Variants in CD300C observed in about 807,000 individuals in gnomAD.
CD300C encodes CMRF35-like molecule 6.
Under a neutral mutation model 18.4 loss-of-function variants are expected in CD300C, and 11 were observed. The ratio of observed to expected loss-of-function variants is 0.60; its 90% confidence interval spans 0.38 to 0.99. The LOEUF is 0.99. Ranked by LOEUF, CD300C falls within the 50% of genes least tolerant of loss-of-function variation. The probability of loss-of-function intolerance (pLI) is 0.01; values close to 1 mark genes in which losing one functional copy is unlikely to be tolerated. For synonymous variants in CD300C, 116 were observed against 116.3 expected, an observed-to-expected ratio of 1.00 and a Z score of 0.02; for missense variants, 277 against 287.4, an observed-to-expected ratio of 0.96 and a Z score of 0.26.
intron 2 of CD300C, 149 bp from the exon 3 acceptor site, chr17:74,543,136 G>C: frequency 9.3e-7 from 1 of 1,072,928 alleles, no homozygotes; most frequent in Non-Finnish European, 1.4e-6. Context: ...CCACACCCAG[G>C]CCTGACCAGG....
At chr17:74,536,350 G>A (rs914266560), downstream of CD300C, among the ~76,000 whole-genome samples, 6 of 151,942 alleles carry the variant, frequency 3.9e-5, no homozygotes, top group Middle Eastern at 3.2e-3. Context: ...TGGCTAACAT[G>A]GTGAAACCCC....
chr17:74,539,886 G>A (rs1387873883), downstream of CD300C, among the ~76,000 whole-genome samples: 1 of 152,238 alleles, frequency 6.6e-6, no homozygotes, highest in Non-Finnish European at 1.5e-5. Flanking sequence ...GAGAACCAGG[G>A]CAGTATCTTG....
rs1163597888 is a variant in CD300C at position 74,543,006 on chromosome 17, T to C, written c.401-19A>G. 2.5e-6 allele frequency: 4 copies of C among 1,612,700 alleles called. No individual in the cohort carries two copies. The highest frequency in any genetic ancestry group is 3.3e-5 in the Admixed American group (2 of 59,998). On this transcript the variant is annotated intron_variant, in intron 2 of 3. Transcript: ENST00000330793. ...GTCCCGGCTGTGGGTGAAACACAGG[T>C]CAACCTTGATGACATCACATGGGTC...
downstream of CD300C, among the ~76,000 whole-genome samples, chr17:74,539,772 T>G (rs1388484735): frequency 6.6e-6 from 1 of 152,178 alleles, no homozygotes; most frequent in Non-Finnish European, 1.5e-5. Flanking sequence ...CCTTCCTGGG[T>G]TATGGTGGCT....
downstream of CD300C, among the ~76,000 whole-genome samples, chr17:74,537,007 G>T (rs1011856138): frequency 7.9e-5 from 12 of 151,520 alleles, no homozygotes; most frequent in African/African-American, 2.9e-4. Context: ...CAAGAGGTAG[G>T]AAGAGCAGGA....
chr17:74,538,010 G>A (rs1034976472), downstream of CD300C, among the ~76,000 whole-genome samples: 7 of 152,182 alleles, frequency 4.6e-5, no homozygotes, highest in South Asian at 4.1e-4. Context: ...ATCAGCAAGC[G>A]GTTTGGGGCT....
At position 74,545,993 on chromosome 17, in the gene CD300C, T is replaced by C. The variant is rs2143161242; in HGVS notation, c.-211A>G. 2 of 565,474 alleles carry C rather than the reference T, an allele frequency of 3.5e-6. No homozygotes were observed. Among genetic ancestry groups the C allele is most frequent in the East Asian group, 5.9e-5 (2 of 33,626 alleles). The allele number at this position is 565,474 out of a possible 1,614,324, so 35.0% of individuals were successfully genotyped here. On this transcript the variant is annotated 5_prime_UTR_variant, in exon 1 of 4. Coordinates refer to ENST00000330793, the MANE Select transcript of CD300C (RefSeq NM_006678.5). Reference sequence around the variant, plus strand: ...GGGCTGAGGCCGGTGCTGACAGCTCTGGGATGGTGCTAGTGGCTCCTCTCA... The same window carrying C: ...GGGCTGAGGCCGGTGCTGACAGCTCCGGGATGGTGCTAGTGGCTCCTCTCA...
At chr17:74,535,194 C>T in the CD300C span, among the ~76,000 whole-genome samples, 10 of 152,044 alleles carry the variant, frequency 6.6e-5, no homozygotes, top group South Asian at 6.2e-4. Flanking sequence ...TGGGGCGGGG[C>T]GCGGTGGCTC....
chr17:74,536,125 T>A (rs969125416), downstream of CD300C, among the ~76,000 whole-genome samples: 2 of 152,226 alleles, frequency 1.3e-5, no homozygotes, highest in African/African-American at 4.8e-5. Flanking sequence ...AATTTTTTTT[T>A]AATTTGGGAG....
At chr17:74,536,158 A>G (rs114698193), downstream of CD300C, among the ~76,000 whole-genome samples, 504 of 152,358 alleles carry the variant, frequency 3.3e-3, 2 homozygotes, top group Middle Eastern at 0.01. Context: ...GTTAAGCAAG[A>G]TGAAAGTATA....
At chr17:74,539,567 C>T (rs1017774692), downstream of CD300C, among the ~76,000 whole-genome samples, 1 of 152,184 alleles carries the variant, frequency 6.6e-6, no homozygotes, top group African/African-American at 2.4e-5. Flanking sequence ...CCTGCTGTCA[C>T]AGGATGGCAC....
rs549531537 is a variant in CD300C, at chr17:74,543,674, C to A, written c.401-687G>T. ...AAAGGGCGCAGGAGGGACACGTCGCCCCCGGGGAAATGGAGAACAAGAAGA... is the reference window on the plus strand; with the variant it reads ...AAAGGGCGCAGGAGGGACACGTCGCACCCGGGGAAATGGAGAACAAGAAGA... On this transcript the variant is annotated intron_variant, in intron 2 of 3. Coordinates refer to ENST00000330793, the MANE Select transcript of CD300C (RefSeq NM_006678.5). 9.9e-5 allele frequency among the ~76,000 whole-genome samples: 15 copies of A among 152,256 alleles called. 1 individual carries two copies. In the South Asian group the frequency reaches 3.1e-3, roughly 32 times the overall value.
downstream of CD300C, among the ~76,000 whole-genome samples, chr17:74,539,054 G>C (rs1460143687): frequency 1.3e-5 from 2 of 152,182 alleles, no homozygotes; most frequent in Non-Finnish European, 2.9e-5. Flanking sequence ...TCAGATACAG[G>C]ATTTGCCTCC....
At chr17:74,544,525 C>T (rs2143153643) in intron 2 of CD300C, 84 bp downstream of exon 2, 1 of 1,478,000 alleles carries the variant, frequency 6.8e-7, no homozygotes, top group Admixed American at 2.0e-5. Context: ...GGCTCACACC[C>T]TCCTGTTCCA....
At position 74,541,353 on chromosome 17, in the gene CD300C, C is replaced by G. The variant is rs563329817; in HGVS notation, c.*236G>C. On this transcript the variant is annotated 3_prime_UTR_variant, in exon 4 of 4. Transcript: ENST00000330793. Reference sequence around the variant, plus strand: ...GCACTCAGAGGTATTGCTGACGGCCCGAGGCTTAGCTGGCCGGGGCGTGCA... The same window carrying G: ...GCACTCAGAGGTATTGCTGACGGCCGGAGGCTTAGCTGGCCGGGGCGTGCA... The G allele has an allele frequency of 4.3e-6, 2 of 465,842 alleles. No homozygotes were observed. The highest frequency in any genetic ancestry group is 6.7e-5 in the Admixed American group (2 of 29,910). 28.9% of individuals were successfully genotyped at this position (465,842 alleles called of 1,614,324 possible).
downstream of CD300C, among the ~76,000 whole-genome samples, chr17:74,538,733 G>C (rs1373027835): frequency 6.6e-6 from 1 of 152,220 alleles, no homozygotes; most frequent in African/African-American, 2.4e-5. Flanking sequence ...CTGGATATCT[G>C]TCGAATGCCT....
At chr17:74,542,823 C>A (rs758121353) in intron 3 of CD300C, 38 bp downstream of exon 3, 2 of 1,576,634 alleles carry the variant, frequency 1.3e-6, no homozygotes. Flanking sequence ...AGTGGGGAGG[C>A]CGCCAGCGTG....
At chr17:74,544,533 C>G (rs1228771746) in intron 2 of CD300C, 76 bp downstream of exon 2, 1 of 1,508,708 alleles carries the variant, frequency 6.6e-7, no homozygotes, top group East Asian at 2.3e-5. Context: ...CCCTCCTGTT[C>G]CACTTCTTTC....
In CD300C at chr17:74,544,652, G is replaced by T. The variant is rs140589759; in HGVS notation, c.357C>A (p.Asp119Glu). 1 of 1,614,014 alleles carries T rather than the reference G, an allele frequency of 6.2e-7. No individual in the cohort carries two copies. Among genetic ancestry groups the T allele is most frequent in the South Asian group, 1.1e-5 (1 of 91,074 alleles). The change falls in exon 2 of 4, where the codon GAC becomes GAA. Residue 119 changes from aspartate (D) to glutamate (E), a missense_variant. Transcript: ENST00000330793. ...WCGVDTPWLR[D>E]FHDPIVEVEV... The stretch of plus-strand genomic sequence containing the variant: ...CAACCTCGACAATGGGATCATGAAA[G>T]TCTCGGAGCCACGGTGTATCCACCC...
Sources: gnomAD v4.1 joint callset for allele counts (sites outside exome capture counted in the v4.1 genomes callset) on GRCh38, gnomAD v4.1.1 for gene constraint, MANE v1.5 for transcripts, NCBI Gene and HGNC (gene_info 2026-07-23, HGNC 2026-07-21) for gene names.